The following NCKAP5 variants were observed in gnomAD, a reference collection of about 807,000 sequenced individuals.
NCKAP5 encodes the protein NCK associated protein 5, also known as nck-associated protein 5.
In NCKAP5, 92 loss-of-function variants were observed where a neutral mutation model predicts 167.0. That is an observed-to-expected ratio of 0.55 (90% CI 0.47 to 0.66). NCKAP5 has a LOEUF of 0.66. Ranked by LOEUF, NCKAP5 falls within the 30% of genes least tolerant of loss-of-function variation. The probability of loss-of-function intolerance (pLI) is 0.00; values close to 1 mark genes in which losing one functional copy is unlikely to be tolerated. For missense variants in NCKAP5, 2,378 were observed against 2,315.0 expected (o/e 1.03, Z -0.56); for synonymous variants, 891 against 877.4 (o/e 1.02, Z -0.27).
intron 3 of NCKAP5, among the ~76,000 whole-genome samples, chr2:133,313,930 C>T (rs914351283): frequency 6.6e-6 from 1 of 152,126 alleles, no homozygotes; most frequent in Non-Finnish European, 1.5e-5. Context: ...ATTTAAATCC[C>T]AGCATTACAT....
At chr2:133,236,620 C>T (rs2087434861) in intron 4 of NCKAP5, among the ~76,000 whole-genome samples, 3 of 152,100 alleles carry the variant, frequency 2.0e-5, no homozygotes, top group Non-Finnish European at 4.4e-5. Context: ...TAAGTCAATA[C>T]ATTAGAAGTG....
intron 6 of NCKAP5, among the ~76,000 whole-genome samples, chr2:133,044,523 T>C (rs1337602008): frequency 6.6e-6 from 1 of 152,050 alleles, no homozygotes. Flanking sequence ...AAAACCACAA[T>C]GATATCATGT....
chr2:133,217,791 T>C (rs2086494071), intron 4 of NCKAP5, among the ~76,000 whole-genome samples: 2 of 152,110 alleles, frequency 1.3e-5, no homozygotes, highest in Non-Finnish European at 1.5e-5. Context: ...TAAATAATAT[T>C]ACCATCTTGC....
At chr2:132,927,089 TG>T (rs2149035942) in intron 8 of NCKAP5, among the ~76,000 whole-genome samples, 1 of 152,288 alleles carries the variant, frequency 6.6e-6, no homozygotes, top group South Asian at 2.1e-4. Context: ...CTTCTGCATA[TG>T]GCAATCCAAT....
rs950014863 is a variant in NCKAP5 at position 132,725,858 on chromosome 2, T to C, written c.5581-99A>G. The C allele has an allele frequency of 7.0e-6, 9 of 1,278,440 alleles. No individual in the cohort carries two copies. The African/African-American group carries it at 9.0e-5, about 13-fold the overall frequency. The allele number at this position is 1,278,440 out of a possible 1,614,324, so 79.2% of individuals were successfully genotyped here. A position where few individuals can be genotyped will look rare whatever the true frequency, so the allele number is the denominator to read the frequency against. On this transcript the variant is annotated intron_variant, in intron 18 of 19. Transcript: ENST00000409261. Reference sequence around the variant, plus strand: ...GACACAGTTCACATCTGGCTGTCAATGTGTGCACAGAATTCCATTCCCACT... The same window carrying C: ...GACACAGTTCACATCTGGCTGTCAACGTGTGCACAGAATTCCATTCCCACT...
intron 16 of NCKAP5, among the ~76,000 whole-genome samples, chr2:132,771,030 T>C (rs1276516905): frequency 6.6e-6 from 1 of 152,240 alleles, no homozygotes; most frequent in Non-Finnish European, 1.5e-5. Flanking sequence ...ATTACTAGTT[T>C]ATGTATGTAC....
rs577993221 is a variant in NCKAP5 at position 132,847,856 on chromosome 2, A to C, written c.807+12636T>G. On this transcript the variant is annotated intron_variant, in intron 11 of 19. Transcript: ENST00000409261. ...GATAAAGCTAACCCACGGTGACAGAAAGCAGATCTGTGGTTGCCTGGGGCT... is the reference window on the plus strand; with the variant it reads ...GATAAAGCTAACCCACGGTGACAGACAGCAGATCTGTGGTTGCCTGGGGCT... 2.6e-5 allele frequency among the ~76,000 whole-genome samples: 4 copies of C among 152,310 alleles called. No individual in the cohort carries two copies. In the South Asian group the frequency reaches 8.3e-4, roughly 32 times the overall value.
chr2:132,983,970 T>C (rs995937523), intron 7 of NCKAP5, among the ~76,000 whole-genome samples: 2 of 152,166 alleles, frequency 1.3e-5, no homozygotes, highest in Non-Finnish European at 2.9e-5. Flanking sequence ...GAATATTCTA[T>C]GGAAAACTAA....
intron 7 of NCKAP5, among the ~76,000 whole-genome samples, chr2:132,978,224 G>C (rs765528565): frequency 6.6e-6 from 1 of 152,190 alleles, no homozygotes; most frequent in Non-Finnish European, 1.5e-5. Flanking sequence ...ATAATAAACT[G>C]GCCAAGCTGT....
chr2:133,502,468 A>AATAG (rs753509386), intron 3 of NCKAP5, among the ~76,000 whole-genome samples: 10 of 152,166 alleles, frequency 6.6e-5, no homozygotes, highest in African/African-American at 2.2e-4. Context: ...GGCCAAATAC[A>AATAG]ATAGATAGAT....
the NCKAP5 span, among the ~76,000 whole-genome samples, chr2:133,663,244 G>A: frequency 2.0e-5 from 3 of 149,548 alleles, no homozygotes; most frequent in Non-Finnish European, 4.4e-5. Flanking sequence ...CCGCAGTCCG[G>A]CCTGGGCGGC....
intron 19 of NCKAP5, among the ~76,000 whole-genome samples, chr2:132,706,172 C>A (rs1688342968): frequency 6.6e-6 from 1 of 152,170 alleles, no homozygotes; most frequent in Non-Finnish European, 1.5e-5. Flanking sequence ...CTCATGCACT[C>A]CCTCTCTGTC....
chr2:133,614,786 G>T, the NCKAP5 span, among the ~76,000 whole-genome samples: 2 of 150,932 alleles, frequency 1.3e-5, no homozygotes, highest in African/African-American at 4.8e-5. Context: ...TCAGATTCAG[G>T]AAATACAGAG....
intron 3 of NCKAP5, among the ~76,000 whole-genome samples, chr2:133,378,567 C>T (rs1259386355): frequency 6.6e-6 from 1 of 152,168 alleles, no homozygotes; most frequent in Admixed American, 6.5e-5. Flanking sequence ...GTGTAATTAA[C>T]CTGCCCACAC....
intron 2 of NCKAP5, chr2:133,554,334 G>T (rs1020544684): frequency 6.6e-5 from 10 of 152,192 alleles, no homozygotes; most frequent in African/African-American, 2.4e-4. Flanking sequence ...CTCACTTGGG[G>T]AGGGAATCGT....
At chr2:133,568,544 G>A (rs1688729012), upstream of NCKAP5, 1 of 151,972 alleles carries the variant, frequency 6.6e-6, no homozygotes, top group Non-Finnish European at 1.5e-5. Context: ...TTTATTAACT[G>A]ACTGTCAAAA....
At chr2:133,648,960 T>C in the NCKAP5 span, among the ~76,000 whole-genome samples, 2 of 151,628 alleles carry the variant, frequency 1.3e-5, no homozygotes, top group African/African-American at 2.4e-5. Context: ...AACTAACAGT[T>C]ATGTTTTGAA....
chr2:132,689,477 A>C (rs374676327), intron 19 of NCKAP5, among the ~76,000 whole-genome samples: 29 of 152,288 alleles, frequency 1.9e-4, no homozygotes, highest in Non-Finnish European at 4.1e-4. Flanking sequence ...CACTATTTTT[A>C]AGAAAAGAGC....
chr2:132,865,901 G>A (rs1375463337), intron 10 of NCKAP5, among the ~76,000 whole-genome samples: 1 of 152,184 alleles, frequency 6.6e-6, no homozygotes, highest in African/African-American at 2.4e-5. Context: ...TGTGGGGTCT[G>A]AAGGCTTGTA....
Sources: allele counts gnomAD v4.1 joint callset (sites outside exome capture counted in the v4.1 genomes callset), GRCh38; gene constraint gnomAD v4.1.1; transcripts MANE v1.5; gene names NCBI Gene and HGNC (gene_info 2026-07-23, HGNC 2026-07-21).